The following C14orf39 variants were observed in gnomAD, a reference collection of about 807,000 sequenced individuals.
C14orf39 encodes protein SIX6OS1.
Under a neutral mutation model 85.6 loss-of-function variants are expected in C14orf39, and 66 were observed. The observed-to-expected ratio is 0.77, with a 90% CI of 0.63 to 0.95. The LOEUF (loss-of-function observed/expected upper bound fraction) is 0.95. C14orf39 is among the 40% of genes least tolerant of loss of function. C14orf39 has a pLI of 0.00. For missense variants in C14orf39, 735 were observed against 663.9 expected (o/e 1.11, Z -1.18); for synonymous variants, 242 against 214.0 (o/e 1.13, Z -1.14).
intron 17 of C14orf39, among the ~76,000 whole-genome samples, chr14:60,439,723 TG>T (rs1890418577): frequency 6.6e-6 from 1 of 152,208 alleles, no homozygotes; most frequent in Non-Finnish European, 1.5e-5. Flanking sequence ...ATTATCTGTA[TG>T]TATTATATTT....
chr14:60,467,753 G>A (rs1006159027), intron 9 of C14orf39, among the ~76,000 whole-genome samples: 10 of 151,672 alleles, frequency 6.6e-5, no homozygotes, highest in African/African-American at 2.2e-4. Context: ...AAAAAAGTAG[G>A]ATCAGGGAAA....
intron 16 of C14orf39, among the ~76,000 whole-genome samples, chr14:60,450,454 G>A (rs1890980081): frequency 2.0e-5 from 3 of 152,178 alleles, no homozygotes; most frequent in Admixed American, 2.0e-4. Flanking sequence ...GGGAAGAGCA[G>A]GAAGGACTTT....
At position 60,436,777 on chromosome 14, in the gene C14orf39, G is replaced by A; in HGVS notation, c.*68C>T. On this transcript the variant is annotated 3_prime_UTR_variant, in exon 18 of 18. Transcript: ENST00000321731. Reference sequence around the variant, plus strand: ...AAAGAAAGCAGTCTTCATGTTTTAAGCAATAATGTAAATTTATGCCCTCAT... The same window carrying A: ...AAAGAAAGCAGTCTTCATGTTTTAAACAATAATGTAAATTTATGCCCTCAT... 3 of 996,664 alleles carry A rather than the reference G, an allele frequency of 3.0e-6. No homozygotes were observed. The highest frequency in any genetic ancestry group is 4.6e-6 in the Non-Finnish European group (3 of 655,840). The allele number at this position is 996,664 out of a possible 1,614,324, so 61.7% of individuals were successfully genotyped here. A position where few individuals can be genotyped will look rare whatever the true frequency, so the allele number is the denominator to read the frequency against.
At chr14:60,442,214 G>A (rs1044600431) in intron 16 of C14orf39, 83 bp from the exon 17 acceptor site, 1 of 844,276 alleles carries the variant, frequency 1.2e-6, no homozygotes, top group African/African-American at 1.7e-5. Context: ...CTAAAGCTTA[G>A]TTCTTCTAAC....
rs61501278 is a variant in C14orf39 at position 60,437,225 on chromosome 14, A to T, written c.1562-178T>A. 1.7e-3 allele frequency among the ~76,000 whole-genome samples: 254 copies of T among 152,138 alleles called. 2 individuals carry two copies. Among genetic ancestry groups the T allele is most frequent in the African/African-American group, 5.8e-3 (240 of 41,560 alleles). On this transcript the variant is annotated intron_variant, in intron 17 of 17. Transcript: ENST00000321731. Reference sequence around the variant, plus strand: ...GCAAGGCATTGTCCTTGGTACTATGAAGGTTAAAACAGACTCAAACTTAAA... The same window carrying T: ...GCAAGGCATTGTCCTTGGTACTATGTAGGTTAAAACAGACTCAAACTTAAA...
intron 9 of C14orf39, among the ~76,000 whole-genome samples, chr14:60,468,053 G>A (rs917704034): frequency 5.3e-5 from 8 of 151,434 alleles, no homozygotes; most frequent in Non-Finnish European, 1.2e-4. Flanking sequence ...TCACTCTATA[G>A]CAAAGGAAGA....
chr14:60,484,901 T>C lies in C14orf39; in HGVS notation c.86A>G (p.Glu29Gly). The part of the protein sequence containing the change: ...QYEQDISTKE[E>G]MIQRINKCCE... ...CTTACTATTAATTCTTTGAATCATC[T>C]CTTCTTTAGTACTTATGTCTTGCTC... The change falls in exon 3 of 18, where the codon GAG becomes GGG. Residue 29 changes from glutamate to glycine, a missense_variant. Transcript: ENST00000321731. This position sits in a 1 kb window ranked among gnomAD's most constrained non-coding sequence, Gnocchi z 4.2. The C allele has an allele frequency of 3.2e-6, 5 of 1,567,612 alleles. No individual in the cohort carries two copies. Among genetic ancestry groups the C allele is most frequent in the Non-Finnish European group, 4.3e-6 (5 of 1,152,630 alleles).
chr14:60,484,476 A>AATG lies in C14orf39; in HGVS notation c.106+404_106+405insCAT, dbSNP rs1892791468. Among the ~76,000 whole-genome samples the AATG allele has an allele frequency of 6.6e-6, 1 of 152,082 alleles. No homozygotes were observed. The highest frequency in any genetic ancestry group is 2.1e-4 in the South Asian group (1 of 4,828). On this transcript the variant is annotated intron_variant, in intron 3 of 17. Transcript: ENST00000321731. This position sits in a 1 kb window ranked among gnomAD's most constrained non-coding sequence, Gnocchi z 4.2. The stretch of plus-strand genomic sequence containing the variant: ...TGATTTGCCTTGCTATTTCTCTGAT[A>AATG]ACATTATTTTTCAGAATTATTATTC...
intron 5 of C14orf39, among the ~76,000 whole-genome samples, chr14:60,476,845 C>CTA (rs1326610418): frequency 6.6e-6 from 1 of 151,152 alleles, no homozygotes; most frequent in African/African-American, 2.4e-5. Context: ...AAAGCCTCTA[C>CTA]TTATCCTAAG....
At position 60,471,755 on chromosome 14, in the gene C14orf39, G is replaced by A. The variant is rs746267888; in HGVS notation, c.324-16C>T. 33 of 1,416,680 alleles carry A rather than the reference G, an allele frequency of 2.3e-5. No individual in the cohort carries two copies. Among genetic ancestry groups the A allele is most frequent in the Non-Finnish European group, 3.2e-5 (33 of 1,037,842 alleles). 87.8% of individuals were successfully genotyped at this position (1,416,680 alleles called of 1,614,324 possible). A position where few individuals can be genotyped will look rare whatever the true frequency, so the allele number is the denominator to read the frequency against. On this transcript the variant is annotated splice_polypyrimidine_tract_variant and intron_variant, in intron 5 of 17. Transcript: ENST00000321731. ...ATACATTTCTCTGTTAAAATTAAAAGAAATGATGTTTATATAACAACAACA... is the reference window on the plus strand; with the variant it reads ...ATACATTTCTCTGTTAAAATTAAAAAAAATGATGTTTATATAACAACAACA...
chr14:60,506,517 C>T (rs1342486194), intron 1 of C14orf39, among the ~76,000 whole-genome samples: 3 of 152,204 alleles, frequency 2.0e-5, no homozygotes, highest in Non-Finnish European at 4.4e-5. Context: ...GGGGGCTCGG[C>T]TCACATACTT....
chr14:60,448,867 C>T (rs1348436962), intron 16 of C14orf39, among the ~76,000 whole-genome samples: 2 of 152,132 alleles, frequency 1.3e-5, no homozygotes, highest in African/African-American at 2.4e-5. Context: ...ATAAAAAGGA[C>T]GAGTTCATGT....
chr14:60,481,474 T>C (rs1318804114), intron 4 of C14orf39, among the ~76,000 whole-genome samples: 1 of 152,108 alleles, frequency 6.6e-6, no homozygotes, highest in Admixed American at 6.5e-5. Flanking sequence ...CTGAGCAACA[T>C]AGTGAGACTC....
At chr14:60,474,701 A>C (rs907785090) in intron 5 of C14orf39, among the ~76,000 whole-genome samples, 1 of 151,898 alleles carries the variant, frequency 6.6e-6, no homozygotes, top group Non-Finnish European at 1.5e-5. Context: ...GCTGGATTAC[A>C]TTTATTGATT....
intron 17 of C14orf39, among the ~76,000 whole-genome samples, chr14:60,437,917 C>T (rs971180507): frequency 4.6e-5 from 7 of 151,580 alleles, no homozygotes; most frequent in African/African-American, 1.7e-4. Context: ...AGGAAAAATA[C>T]TGTTTTTCAC....
chr14:60,502,008 G>T (rs769587464), intron 1 of C14orf39, among the ~76,000 whole-genome samples: 1 of 152,162 alleles, frequency 6.6e-6, no homozygotes, highest in Non-Finnish European at 1.5e-5. Context: ...GGAAACGGGG[G>T]CCCAAAATCA....
intron 5 of C14orf39, among the ~76,000 whole-genome samples, chr14:60,476,069 T>TA (rs1446861992): frequency 7.9e-5 from 12 of 152,304 alleles, no homozygotes; most frequent in Admixed American, 3.9e-4. Context: ...AATTTCTGAA[T>TA]ATTACTAAAC....
At chr14:60,440,639 T>C (rs539070600) in intron 17 of C14orf39, among the ~76,000 whole-genome samples, 1 of 152,266 alleles carries the variant, frequency 6.6e-6, no homozygotes, top group Admixed American at 6.5e-5. Context: ...ACCTGTCAGA[T>C]CATTTCAGTC....
At chr14:60,485,704 G>A (rs1892854733) in intron 1 of C14orf39, among the ~76,000 whole-genome samples, 2 of 152,194 alleles carry the variant, frequency 1.3e-5, no homozygotes, top group South Asian at 4.1e-4. Context: ...GGAGTTCGCC[G>A]GCCGACTCCC....
Sources: gnomAD v4.1 joint callset for allele counts (sites outside exome capture counted in the v4.1 genomes callset) on GRCh38, gnomAD v4.1.1 for gene constraint, Gnocchi (gnomAD v3.1) non-coding constraint, MANE v1.5 for transcripts, NCBI Gene and HGNC (gene_info 2026-07-23, HGNC 2026-07-21) for gene names.